The following COP1 variants were observed in gnomAD, a reference collection of about 807,000 sequenced individuals.
COP1 encodes COP1 E3 ubiquitin ligase, also known as E3 ubiquitin-protein ligase COP1.
A neutral mutation model predicts 101.3 loss-of-function variants in COP1; 24 were observed. That is an observed-to-expected ratio of 0.24 (90% CI 0.17 to 0.33). The LOEUF is 0.33. COP1 is among the 10% of genes least tolerant of loss of function. The pLI is 1.00. For missense variants in COP1, 663 were observed against 906.2 expected (o/e 0.73, Z 3.45); for synonymous variants, 347 against 341.9 (o/e 1.01, Z -0.17).
intron 9 of COP1, among the ~76,000 whole-genome samples, chr1:176,096,834 T>A (rs1448738563): frequency 6.6e-6 from 1 of 152,230 alleles, no homozygotes; most frequent in Non-Finnish European, 1.5e-5. Context: ...GTAGCAAACT[T>A]TGCTGCAGGC....
chr1:176,169,476 G>A (rs569646400), intron 3 of COP1, among the ~76,000 whole-genome samples: 10 of 152,246 alleles, frequency 6.6e-5, no homozygotes, highest in African/African-American at 2.4e-4. Context: ...AGAAATCGCA[G>A]GTTCGGTTCT....
At chr1:175,949,980 C>A (rs1429153814) in intron 18 of COP1, among the ~76,000 whole-genome samples, 1 of 151,792 alleles carries the variant, frequency 6.6e-6, no homozygotes, top group Non-Finnish European at 1.5e-5. Context: ...AAAAATTAGC[C>A]CCAATATAAA....
intron 15 of COP1, among the ~76,000 whole-genome samples, chr1:176,003,864 G>C (rs1238127827): frequency 6.6e-6 from 1 of 152,142 alleles, no homozygotes; most frequent in Non-Finnish European, 1.5e-5. Flanking sequence ...GAACTTGAAA[G>C]TAGTTTTTTC....
At chr1:176,124,202 T>C (rs888638603) in intron 8 of COP1, among the ~76,000 whole-genome samples, 7 of 152,174 alleles carry the variant, frequency 4.6e-5, no homozygotes, top group Admixed American at 1.3e-4. Flanking sequence ...CAATATGTAA[T>C]ATCACAACAT....
intron 6 of COP1, among the ~76,000 whole-genome samples, chr1:176,148,643 C>T (rs972057208): frequency 1.3e-5 from 2 of 151,934 alleles, no homozygotes; most frequent in Non-Finnish European, 1.5e-5. Context: ...TATGTTTTTA[C>T]CATAAGAAAA....
chr1:176,016,611 T>C (rs1390502950), intron 15 of COP1, among the ~76,000 whole-genome samples: 1 of 152,180 alleles, frequency 6.6e-6, no homozygotes, highest in Non-Finnish European at 1.5e-5. Context: ...ACTGCACATT[T>C]AAAATGCAGA....
intron 14 of COP1, among the ~76,000 whole-genome samples, chr1:176,042,641 G>T (rs1325950061): frequency 6.9e-6 from 1 of 144,152 alleles, no homozygotes; most frequent in Non-Finnish European, 1.5e-5. Flanking sequence ...TGAGGTAGGA[G>T]AATTGCTTGA....
intron 18 of COP1, among the ~76,000 whole-genome samples, chr1:175,968,119 C>A (rs1652441932): frequency 6.6e-6 from 1 of 152,284 alleles, no homozygotes; most frequent in South Asian, 2.1e-4. Context: ...ATCCATCTGC[C>A]TCAACCTCCC....
chr1:176,006,099 G>C (rs937300317), intron 15 of COP1, among the ~76,000 whole-genome samples: 1 of 152,174 alleles, frequency 6.6e-6, no homozygotes, highest in Non-Finnish European at 1.5e-5. Flanking sequence ...TTACCATTAT[G>C]TAATGGCCTT....
intron 11 of COP1, among the ~76,000 whole-genome samples, chr1:176,053,891 C>T (rs1241215782): frequency 8.5e-5 from 13 of 152,114 alleles, no homozygotes; most frequent in Admixed American, 8.5e-4. Flanking sequence ...ACCTCCCTGG[C>T]AAAACTAACC....
intron 9 of COP1, among the ~76,000 whole-genome samples, chr1:176,094,553 T>C (rs946530136): frequency 1.3e-5 from 2 of 152,030 alleles, no homozygotes; most frequent in South Asian, 2.1e-4. Context: ...ATTTATCAAC[T>C]ATGTTAATTT....
At chr1:176,075,643 C>A (rs151293159) in intron 11 of COP1, among the ~76,000 whole-genome samples, 1 of 152,118 alleles carries the variant, frequency 6.6e-6, no homozygotes, top group Admixed American at 6.5e-5. Flanking sequence ...ACACCCAACA[C>A]TGGAGCACCC....
intron 6 of COP1, among the ~76,000 whole-genome samples, chr1:176,144,804 T>C (rs1691306989): frequency 6.6e-6 from 1 of 152,102 alleles, no homozygotes; most frequent in African/African-American, 2.4e-5. Flanking sequence ...TAAAGGATGC[T>C]TGGGCAGCTA....
At chr1:175,998,687 A>G (rs911400223) in intron 15 of COP1, among the ~76,000 whole-genome samples, 3 of 152,086 alleles carry the variant, frequency 2.0e-5, no homozygotes, top group African/African-American at 7.2e-5. Context: ...ATAATGTACA[A>G]TAGTCCAGAG....
At chr1:176,107,722 G>A (rs558398252) in intron 9 of COP1, among the ~76,000 whole-genome samples, 1 of 152,236 alleles carries the variant, frequency 6.6e-6, no homozygotes, top group East Asian at 1.9e-4. Flanking sequence ...AAATCTGGCA[G>A]CCACCATTTT....
intron 9 of COP1, among the ~76,000 whole-genome samples, chr1:176,110,063 T>C (rs1395171341): frequency 6.6e-6 from 1 of 152,200 alleles, no homozygotes; most frequent in Non-Finnish European, 1.5e-5. Context: ...AGTCTTCATT[T>C]ACTCTTTTCT....
intron 8 of COP1, 106 bp downstream of exon 8, chr1:176,134,904 T>C (rs1339702620): frequency 3.1e-5 from 23 of 730,168 alleles, no homozygotes; most frequent in Non-Finnish European, 5.3e-5. Flanking sequence ...ACCAAAGTAA[T>C]TTCTCAGGGG....
intron 6 of COP1, among the ~76,000 whole-genome samples, chr1:176,145,094 A>G (rs1161012917): frequency 6.6e-6 from 1 of 152,218 alleles, no homozygotes; most frequent in African/African-American, 2.4e-5. Flanking sequence ...AGAGGGAAAG[A>G]TATTTGTGAT....
intron 4 of COP1, among the ~76,000 whole-genome samples, chr1:176,163,233 T>G (rs1231623422): frequency 6.6e-6 from 1 of 152,224 alleles, no homozygotes; most frequent in Non-Finnish European, 1.5e-5. Context: ...TTGAGACTAT[T>G]CTAAAGCTGT....
Sources: gnomAD v4.1 joint callset for allele counts (sites outside exome capture counted in the v4.1 genomes callset) on GRCh38, gnomAD v4.1.1 for gene constraint, MANE v1.5 for transcripts, NCBI Gene and HGNC (gene_info 2026-07-23, HGNC 2026-07-21) for gene names.